The following GSTA2 variants were observed in gnomAD, a reference collection of about 807,000 sequenced individuals.
GSTA2 encodes the protein glutathione S-transferase A2.
In GSTA2, 27 loss-of-function variants were observed where a neutral mutation model predicts 22.4. The observed-to-expected ratio is 1.21, with a 90% CI of 0.89 to 1.67. The LOEUF is 1.67. Ranked by LOEUF, GSTA2 falls within the 40% of genes most tolerant of loss-of-function variation. The pLI, the probability that GSTA2 is intolerant of heterozygous loss-of-function variation, is 0.00. For synonymous variants in GSTA2, 121 were observed against 86.8 expected (o/e 1.39, Z -2.19); for missense variants, 302 against 260.2 (o/e 1.16, Z -1.11).
intron 1 of GSTA2, among the ~76,000 whole-genome samples, chr6:52,759,563 G>GTTTTTTTTTGTTTTTTTTTTT (rs1762913408): frequency 2.9e-5 from 1 of 34,164 alleles, no homozygotes; most frequent in African/African-American, 8.7e-5. Context: ...GTATTTATTT[G>GTTTTTTTTTGTTTTTTTTTTT]TTTTTTTTTT....
Position 52,750,542 on chromosome 6 carries a change from G to A in GSTA2, c.*35C>T, listed in dbSNP as rs374454881. 3 of 1,607,266 alleles carry A rather than the reference G, an allele frequency of 1.9e-6. No individual in the cohort carries two copies. The highest frequency in any genetic ancestry group is 2.6e-6 in the Non-Finnish European group (3 of 1,175,068). The stretch of plus-strand genomic sequence containing the variant: ...AATTGTTGCAAAACTTTAGAATACT[G>A]GTCTTGCATGTTCTTGACCTCTATG... On this transcript the variant is annotated 3_prime_UTR_variant, in exon 7 of 7. Coordinates refer to ENST00000493422, the MANE Select transcript of GSTA2 (RefSeq NM_000846.5).
chr6:52,750,730 A>C, intron 6 of GSTA2, 31 bp from the exon 7 acceptor site: 1 of 1,610,054 alleles, frequency 6.2e-7, no homozygotes, highest in Non-Finnish European at 8.5e-7. Flanking sequence ...CCTCACTAAA[A>C]CAACAAGTCA....
chr6:52,754,851 T>C (rs1762810637), intron 4 of GSTA2, 92 bp downstream of exon 4: 3 of 1,559,240 alleles, frequency 1.9e-6, no homozygotes, highest in African/African-American at 1.4e-5. Flanking sequence ...CTGCTGCTGG[T>C]CTTGATACCC....
At chr6:52,755,414 A>G (rs1230651719) in intron 3 of GSTA2, among the ~76,000 whole-genome samples, 1 of 152,084 alleles carries the variant, frequency 6.6e-6, no homozygotes, top group African/African-American at 2.4e-5. Flanking sequence ...GTGTCTCACC[A>G]TGTTGGCCAA....
In GSTA2 at chr6:52,752,902, G is replaced by C. The variant is rs779255900; in HGVS notation, c.366C>G (p.Ala122=). 7 of 1,614,066 alleles carry C rather than the reference G, an allele frequency of 4.3e-6. No homozygotes were observed. The South Asian group carries it at 7.7e-5, about 18-fold the overall frequency. The change falls in exon 5 of 7, where the codon GCC becomes GCG. Residue 122 remains alanine (A), a synonymous_variant. Coordinates refer to ENST00000493422, the MANE Select transcript of GSTA2 (RefSeq NM_000846.5). ...GATTTTTTGTTTTCTCTTGGATCAAGGCAAGCTTGGCATCTTGTTCCTCAG... is the reference window on the plus strand; with the variant it reads ...GATTTTTTGTTTTCTCTTGGATCAACGCAAGCTTGGCATCTTGTTCCTCAG... ...SQPEEQDAKL[A]LIQEKTKNRY... is the part of the protein sequence containing the mutation.
At chr6:52,757,772 A>T (rs1581775388) in intron 2 of GSTA2, 89 bp downstream of exon 2, 2 of 1,088,066 alleles carry the variant, frequency 1.8e-6, no homozygotes, top group Non-Finnish European at 1.4e-6. Context: ...ACAATGCTTC[A>T]GTTAGTAATC....
chr6:52,761,702 G>A (rs1305039001), intron 1 of GSTA2, among the ~76,000 whole-genome samples: 1 of 150,510 alleles, frequency 6.6e-6, no homozygotes, highest in African/African-American at 2.4e-5. Context: ...TAGTCCCATG[G>A]TTCTCAACCA....
At chr6:52,751,853 T>C (rs1417208508) in intron 5 of GSTA2, 145 bp from the exon 6 acceptor site, 3 of 1,168,682 alleles carry the variant, frequency 2.6e-6, no homozygotes, top group African/African-American at 1.5e-5. Flanking sequence ...CTCCACATTA[T>C]CTGAATGAAT....
intron 1 of GSTA2, among the ~76,000 whole-genome samples, chr6:52,761,718 A>T (rs1224383371): frequency 6.7e-6 from 1 of 150,282 alleles, no homozygotes; most frequent in Non-Finnish European, 1.5e-5. Context: ...AACCAGGGGG[A>T]TTTTGTTCCT....
rs201979330 is a variant in GSTA2, at chr6:52,755,853, TC to T, written c.139+404del. Among the ~76,000 whole-genome samples the T allele has an allele frequency of 3.6e-3, 553 of 151,966 alleles. 7 individuals are homozygous for T. Among genetic ancestry groups the T allele is most frequent in the African/African-American group, 0.013 (527 of 41,378 alleles). Reference sequence around the variant, plus strand: ...TTGCTACAGTGTTACCCAGTCCCACTCCCCCCATGAAAGAAAAAACTCAAGA... The same window carrying T: ...TTGCTACAGTGTTACCCAGTCCCACTCCCCCATGAAAGAAAAAACTCAAGA... On this transcript the variant is annotated intron_variant, in intron 3 of 6. Transcript: ENST00000493422.
rs1433715490 is a variant in GSTA2, at chr6:52,756,314, A to G, written c.88-5T>C. The G allele has an allele frequency of 6.3e-7, 1 of 1,595,102 alleles. No homozygotes were observed. The highest frequency in any genetic ancestry group is 8.6e-7 in the Non-Finnish European group (1 of 1,163,350). ...TTTTATAAATTTCTCTTCAAACTGG[A>G]AGCAGAAACAGTAAATATGTTCTTG... On this transcript the variant is annotated splice_region_variant and splice_polypyrimidine_tract_variant and intron_variant, in intron 2 of 6. Coordinates refer to ENST00000493422, the MANE Select transcript of GSTA2 (RefSeq NM_000846.5).
chr6:52,750,584 C>A lies in GSTA2; in HGVS notation c.662G>T (p.Arg221Met), dbSNP rs1484919476. Reference protein sequence around the residue: ...KSLEESRKIFRF With the variant: ...KSLEESRKIFMF ...ACCTCTATGGCTGGTTTATTAAAACCTGAAAATCTTCCTTGATTCTTCTAA... is the reference window on the plus strand; with the variant it reads ...ACCTCTATGGCTGGTTTATTAAAACATGAAAATCTTCCTTGATTCTTCTAA... Residue 221 changes from arginine to methionine, a missense_variant, in exon 7 of 7, where the codon AGG becomes ATG. Transcript: ENST00000493422. 1.2e-6 allele frequency: 2 copies of A among 1,613,868 alleles called. No individual in the cohort carries two copies. The highest frequency in any genetic ancestry group is 4.5e-5 in the East Asian group (2 of 44,872).
Position 52,757,982 on chromosome 6 carries a change from GTGAA to G in GSTA2, c.-30-9_-30-6del, listed in dbSNP as rs752078209. 1,145 of 1,333,778 alleles carry G rather than the reference GTGAA, an allele frequency of 8.6e-4. No individual in the cohort carries two copies. Among genetic ancestry groups the G allele is most frequent in the Middle Eastern group, 9.2e-4 (5 of 5,458 alleles). 82.6% of individuals were successfully genotyped at this position (1,333,778 alleles called of 1,614,324 possible). On this transcript the variant is annotated splice_polypyrimidine_tract_variant and splice_region_variant and intron_variant, in intron 1 of 6. Coordinates refer to ENST00000493422, the MANE Select transcript of GSTA2 (RefSeq NM_000846.5). ...CTCCTGGAGGTTTCTCTAAGCCTGA[GTGAA>G]TGAATGAATGAATGAATGAATAATT...
rs757724450 is a variant in GSTA2 at position 52,756,287 on chromosome 6, G to A, written c.110C>T (p.Ser37Phe). ...TCTTAACTTGTCCAAATCTTCTGCAGATTTTATAAATTTCTCTTCAAACTG... is the reference window on the plus strand; with the variant it reads ...TCTTAACTTGTCCAAATCTTCTGCAAATTTTATAAATTTCTCTTCAAACTG... Reference protein sequence around the residue: ...GVEFEEKFIKSAEDLDKLRND... With the variant: ...GVEFEEKFIKFAEDLDKLRND... Residue 37 changes from serine to phenylalanine, a missense_variant, in exon 3 of 7, where the codon TCT (serine) becomes TTT (phenylalanine). Physicochemically the swap from Ser to Phe is radical, Grantham distance 155. Coordinates refer to ENST00000493422, the MANE Select transcript of GSTA2 (RefSeq NM_000846.5). 1 of 1,604,042 alleles carries A rather than the reference G, an allele frequency of 6.2e-7. No homozygotes were observed. The highest frequency in any genetic ancestry group is 8.5e-7 in the Non-Finnish European group (1 of 1,171,266).
At chr6:52,751,930 A>G (rs1394621899) in intron 5 of GSTA2, among the ~76,000 whole-genome samples, 1 of 152,144 alleles carries the variant, frequency 6.6e-6, no homozygotes, top group Non-Finnish European at 1.5e-5. Flanking sequence ...TTCTCTTCTC[A>G]TCCACATCAC....
intron 4 of GSTA2, 117 bp from the exon 5 acceptor site, chr6:52,753,112 T>C (rs1273870384): frequency 2.1e-6 from 2 of 935,380 alleles, no homozygotes; most frequent in African/African-American, 3.3e-5. Flanking sequence ...CTCCAATGAG[T>C]GCCTTTTATA....
intron 1 of GSTA2, among the ~76,000 whole-genome samples, chr6:52,759,245 A>G (rs1222534965): frequency 6.6e-6 from 1 of 152,222 alleles, no homozygotes; most frequent in East Asian, 1.9e-4. Flanking sequence ...GTAAATGGTT[A>G]GAGACTGGGC....
intron 1 of GSTA2, among the ~76,000 whole-genome samples, chr6:52,759,581 T>TTTG (rs1762916684): frequency 8.2e-6 from 1 of 121,580 alleles, no homozygotes; most frequent in Non-Finnish European, 1.7e-5. Flanking sequence ...TTTTTTTTTT[T>TTTG]TTTTTTTTTT....
intron 3 of GSTA2, 141 bp downstream of exon 3, chr6:52,756,117 C>A: frequency 5.2e-6 from 3 of 577,450 alleles, no homozygotes; most frequent in Non-Finnish European, 9.6e-6. Flanking sequence ...GAGCCACATC[C>A]CTTCCATTTT....
Sources: gnomAD v4.1 joint callset for allele counts (sites outside exome capture counted in the v4.1 genomes callset) on GRCh38, gnomAD v4.1.1 for gene constraint, MANE v1.5 for transcripts, NCBI Gene and HGNC (gene_info 2026-07-23, HGNC 2026-07-21) for gene names.